The following SLC35D4 variants were observed in gnomAD, a reference collection of about 807,000 sequenced individuals.
SLC35D4 encodes solute carrier family 35 member D4.
At chr18:23,277,551 C>T in the SLC35D4 span, among the ~76,000 whole-genome samples, 1 of 152,194 alleles carries the variant, frequency 6.6e-6, no homozygotes, top group Non-Finnish European at 1.5e-5. Context: ...CATGGTCTCT[C>T]AAGCTTCAGC....
the SLC35D4 span, among the ~76,000 whole-genome samples, chr18:23,280,290 G>C: frequency 2.0e-5 from 3 of 152,232 alleles, no homozygotes; most frequent in Non-Finnish European, 4.4e-5. Context: ...CATTGGGTCT[G>C]CTCCTGCCCT....
the SLC35D4 span, among the ~76,000 whole-genome samples, chr18:23,286,982 T>C: frequency 0.46 from 67,293 of 147,182 alleles, 16,490 homozygotes; most frequent in Admixed American, 0.57. Context: ...CCTTGGCGAC[T>C]GATCATGCAC....
chr18:23,343,702 C>G, the SLC35D4 span, among the ~76,000 whole-genome samples: 7 of 152,112 alleles, frequency 4.6e-5, no homozygotes, highest in Non-Finnish European at 1.0e-4. Context: ...TTTTCCAATC[C>G]TCTCTGTCCT....
the SLC35D4 span, among the ~76,000 whole-genome samples, chr18:23,238,549 T>G: frequency 6.6e-6 from 1 of 152,208 alleles, no homozygotes; most frequent in Non-Finnish European, 1.5e-5. Flanking sequence ...TATGATCTGT[T>G]TATTTAAAAA....
At chr18:23,386,164 C>T in the SLC35D4 span, among the ~76,000 whole-genome samples, 2 of 151,678 alleles carry the variant, frequency 1.3e-5, no homozygotes, top group Non-Finnish European at 2.9e-5. Context: ...AAAATGGTCC[C>T]CTAAAAGACA....
At chr18:23,248,945 T>A in the SLC35D4 span, among the ~76,000 whole-genome samples, 2 of 152,256 alleles carry the variant, frequency 1.3e-5, no homozygotes, top group Non-Finnish European at 2.9e-5. Flanking sequence ...ACTGTAGAAC[T>A]GTGCCACCCA....
the SLC35D4 span, among the ~76,000 whole-genome samples, chr18:23,403,254 G>A: frequency 1.2e-3 from 185 of 152,312 alleles, 1 homozygote; most frequent in African/African-American, 4.2e-3. Flanking sequence ...TCACATGGGT[G>A]GGAACCGTAT....
chr18:23,379,956 G>A, the SLC35D4 span, among the ~76,000 whole-genome samples: 1 of 152,054 alleles, frequency 6.6e-6, no homozygotes, highest in African/African-American at 2.4e-5. Flanking sequence ...AATTAGCCAG[G>A]TGTGGTGGCG....
chr18:23,310,134 G>T, the SLC35D4 span: 2 of 818,608 alleles, frequency 2.4e-6, no homozygotes, highest in Non-Finnish European at 3.0e-6. Context: ...GGTCAGATGT[G>T]CTCATTAACC....
At chr18:23,424,238 C>T in the SLC35D4 span, among the ~76,000 whole-genome samples, 706 of 152,276 alleles carry the variant, frequency 4.6e-3, 2 homozygotes, top group Non-Finnish European at 7.5e-3. Context: ...AAGAATCACT[C>T]CCAGGTTCTG....
chr18:23,411,902 C>T, the SLC35D4 span, among the ~76,000 whole-genome samples: 1 of 152,156 alleles, frequency 6.6e-6, no homozygotes, highest in African/African-American at 2.4e-5. Context: ...ACATCTACTC[C>T]CTGAAAACAA....
the SLC35D4 span, among the ~76,000 whole-genome samples, chr18:23,410,528 G>C: frequency 4.0e-5 from 6 of 151,526 alleles, no homozygotes; most frequent in African/African-American, 1.5e-4. Flanking sequence ...CTGGGGGCTG[G>C]GCGTAGTGGC....
chr18:23,408,842 A>G, the SLC35D4 span, among the ~76,000 whole-genome samples: 1 of 150,340 alleles, frequency 6.7e-6, no homozygotes, highest in African/African-American at 2.4e-5. Context: ...TTTTTATTAA[A>G]AAGTAGTACC....
At chr18:23,286,836 T>C in the SLC35D4 span, among the ~76,000 whole-genome samples, 3 of 152,090 alleles carry the variant, frequency 2.0e-5, no homozygotes, top group Non-Finnish European at 1.5e-5. Flanking sequence ...TTTAACTAAA[T>C]TATCTGCTTC....
At chr18:23,253,342 G>T in the SLC35D4 span, among the ~76,000 whole-genome samples, 2 of 152,170 alleles carry the variant, frequency 1.3e-5, no homozygotes, top group South Asian at 4.1e-4. Context: ...AATTAGCCAG[G>T]CATGGTGGTG....
chr18:23,407,111 A>G, the SLC35D4 span, among the ~76,000 whole-genome samples: 4 of 152,212 alleles, frequency 2.6e-5, no homozygotes, highest in African/African-American at 9.6e-5. Context: ...TGGCCAGCCT[A>G]AAGTTTTTCT....
chr18:23,341,922 G>A, the SLC35D4 span, among the ~76,000 whole-genome samples: 2 of 150,462 alleles, frequency 1.3e-5, no homozygotes, highest in Non-Finnish European at 1.5e-5. Flanking sequence ...AATTTAAGAA[G>A]AAAAGAAAAA....
At chr18:23,287,923 G>A in the SLC35D4 span, among the ~76,000 whole-genome samples, 2 of 152,156 alleles carry the variant, frequency 1.3e-5, no homozygotes, top group Admixed American at 6.5e-5. Flanking sequence ...CTGCTGCCCC[G>A]CTAATACTCT....
At chr18:23,301,125 T>C in the SLC35D4 span, among the ~76,000 whole-genome samples, 1 of 152,226 alleles carries the variant, frequency 6.6e-6, no homozygotes, top group Admixed American at 6.5e-5. Context: ...TAAAAATAAT[T>C]TGGTCCTAAA....
Sources: gnomAD v4.1 joint callset for allele counts (sites outside exome capture counted in the v4.1 genomes callset) on GRCh38, gnomAD v4.1.1 for gene constraint, MANE v1.5 for transcripts, NCBI Gene and HGNC (gene_info 2026-07-23, HGNC 2026-07-21) for gene names.